BABAM2: variants seen among roughly 807,000 people sequenced by gnomAD.
The protein encoded by BABAM2 is BRISC and BRCA1-A complex member 2.
A neutral mutation model predicts 54.7 loss-of-function variants in BABAM2; 31 were observed. The observed-to-expected ratio is 0.57, with a 90% CI of 0.43 to 0.77. The LOEUF (loss-of-function observed/expected upper bound fraction) is 0.77, where lower values mean the gene tolerates loss of function less well. Ranked by LOEUF, BABAM2 falls within the 30% of genes least tolerant of loss-of-function variation. The pLI is 0.00. For missense variants in BABAM2, 364 were observed against 455.8 expected (o/e 0.80, Z 1.83); for synonymous variants, 167 against 162.9 (o/e 1.03, Z -0.19).
At chr2:28,206,610 G>C (rs1247382916) in intron 7 of BABAM2, among the ~76,000 whole-genome samples, 1 of 152,188 alleles carries the variant, frequency 6.6e-6, no homozygotes, top group Non-Finnish European at 1.5e-5. Context: ...TTCTGGCCAA[G>C]TCTTGTGTCT....
chr2:27,976,676 G>C (rs1671630432), intron 3 of BABAM2, among the ~76,000 whole-genome samples: 1 of 152,042 alleles, frequency 6.6e-6, no homozygotes, highest in Non-Finnish European at 1.5e-5. Context: ...AACTCTTATA[G>C]GTGTACAGAA....
intron 4 of BABAM2, among the ~76,000 whole-genome samples, chr2:28,018,549 G>T (rs1335495660): frequency 2.6e-5 from 4 of 152,124 alleles, no homozygotes; most frequent in African/African-American, 9.7e-5. Flanking sequence ...TCAAAAGGTA[G>T]ATCTACTTTC....
At chr2:28,071,304 T>C (rs960841880) in intron 6 of BABAM2, among the ~76,000 whole-genome samples, 5 of 152,216 alleles carry the variant, frequency 3.3e-5, no homozygotes, top group African/African-American at 1.2e-4. Flanking sequence ...TTTGTTATTA[T>C]TGTTGTTGAA....
At chr2:27,901,042 CAAAA>C (rs553293287) in intron 2 of BABAM2, among the ~76,000 whole-genome samples, 1 of 83,586 alleles carries the variant, frequency 1.2e-5, no homozygotes, top group Non-Finnish European at 2.4e-5. Flanking sequence ...GACTCTGTCT[CAAAA>C]AAAAAAAAAA....
chr2:27,974,442 A>G lies in BABAM2; in HGVS notation c.206-13551A>G, dbSNP rs1671448812. On this transcript the variant is annotated intron_variant, in intron 3 of 11. Transcript: ENST00000379624. ...GGTTTTATTCTGGGAATGAAAGCCAAGTTCAACATTTGAAAATCAGTCTAT... is the reference window on the plus strand; with the variant it reads ...GGTTTTATTCTGGGAATGAAAGCCAGGTTCAACATTTGAAAATCAGTCTAT... Among the ~76,000 whole-genome samples, 7 of 152,188 alleles carry G rather than the reference A, an allele frequency of 4.6e-5. No individual in the cohort carries two copies. In the South Asian group the frequency reaches 1.4e-3, roughly 31 times the overall value.
chr2:28,257,148 A>G (rs970749294), intron 10 of BABAM2, among the ~76,000 whole-genome samples: 2 of 152,200 alleles, frequency 1.3e-5, no homozygotes, highest in African/African-American at 4.8e-5. Context: ...ATACTCAGCA[A>G]CTGCACAGAT....
chr2:27,907,658 C>G (rs1050492435), intron 2 of BABAM2, among the ~76,000 whole-genome samples: 3 of 152,172 alleles, frequency 2.0e-5, no homozygotes, highest in African/African-American at 7.2e-5. Flanking sequence ...CTGAAACTCT[C>G]TACCATTAAA....
chr2:28,234,575 A>G (rs1293035448), intron 7 of BABAM2, among the ~76,000 whole-genome samples: 1 of 152,218 alleles, frequency 6.6e-6, no homozygotes, highest in Non-Finnish European at 1.5e-5. Flanking sequence ...TGTCAACTCC[A>G]GGGAAGCATC....
In BABAM2 at chr2:28,320,710, T is replaced by C. The variant is rs369614028; in HGVS notation, c.1089-17740T>C. Among the ~76,000 whole-genome samples the C allele has an allele frequency of 2.0e-5, 3 of 152,308 alleles. No homozygotes were observed. In the East Asian group the frequency reaches 5.8e-4, roughly 29 times the overall value. On this transcript the variant is annotated intron_variant, in intron 11 of 11. Transcript: ENST00000379624. The stretch of plus-strand genomic sequence containing the variant: ...GAGCCTTGCCCTTCCTGCTCAGCCT[T>C]AGCCCTCAGTGGCTGCAGAAGGCAG...
intron 4 of BABAM2, among the ~76,000 whole-genome samples, chr2:28,014,704 C>T: frequency 6.9e-6 from 1 of 144,508 alleles, no homozygotes; most frequent in Non-Finnish European, 1.5e-5. Flanking sequence ...CTGCATTTTA[C>T]ATGCTAAATA....
intron 7 of BABAM2, among the ~76,000 whole-genome samples, chr2:28,149,900 A>G (rs1182350635): frequency 6.6e-6 from 1 of 152,192 alleles, no homozygotes; most frequent in Non-Finnish European, 1.5e-5. Flanking sequence ...CATATTTTAT[A>G]CATTGAATTA....
intron 5 of BABAM2, among the ~76,000 whole-genome samples, chr2:28,037,131 A>G (rs1676723986): frequency 6.6e-6 from 1 of 152,208 alleles, no homozygotes; most frequent in South Asian, 2.1e-4. Context: ...AAGTCTATGT[A>G]AAGTAATATA....
intron 10 of BABAM2, among the ~76,000 whole-genome samples, chr2:28,257,369 C>T (rs1427940788): frequency 5.3e-5 from 8 of 152,328 alleles, no homozygotes; most frequent in Admixed American, 2.0e-4. Context: ...CCCTGACTTC[C>T]AGCCCCAGGT....
At chr2:28,005,741 C>G (rs1473162369) in intron 4 of BABAM2, among the ~76,000 whole-genome samples, 1 of 151,996 alleles carries the variant, frequency 6.6e-6, no homozygotes, top group Non-Finnish European at 1.5e-5. Flanking sequence ...ATTTGAAAAA[C>G]TTTCTATTTT....
At chr2:28,336,297 G>A (rs557479503) in intron 11 of BABAM2, among the ~76,000 whole-genome samples, 22 of 152,202 alleles carry the variant, frequency 1.4e-4, no homozygotes, top group Admixed American at 2.0e-4. Flanking sequence ...AAACTGGTTC[G>A]GAAGGAAACT....
intron 6 of BABAM2, among the ~76,000 whole-genome samples, chr2:28,077,867 A>T (rs2048045): frequency 7.4e-4 from 112 of 152,286 alleles, no homozygotes; most frequent in African/African-American, 2.5e-3. Context: ...TATATCAAGA[A>T]AATTAAATAC....
intron 7 of BABAM2, among the ~76,000 whole-genome samples, chr2:28,146,488 A>G (rs1030825402): frequency 2.0e-5 from 3 of 152,254 alleles, no homozygotes; most frequent in Non-Finnish European, 2.9e-5. Flanking sequence ...CAGGATTCAT[A>G]TCCAAAATAA....
rs1362281062 is a variant in BABAM2 at position 28,338,435 on chromosome 2, C to G, written c.1089-15C>G. On this transcript the variant is annotated splice_polypyrimidine_tract_variant and intron_variant, in intron 11 of 11. Coordinates refer to ENST00000379624, the MANE Select transcript of BABAM2 (RefSeq NM_199191.3). The stretch of plus-strand genomic sequence containing the variant: ...TGCTAACCACAATTTTTTTTCTCCC[C>G]TTCTTTCCCACCAGGGCTTATTTCA... The G allele has an allele frequency of 5.6e-6, 9 of 1,611,894 alleles. No homozygotes were observed. Among genetic ancestry groups the G allele is most frequent in the Non-Finnish European group, 7.6e-6 (9 of 1,178,850 alleles).
At chr2:27,966,568 G>T (rs1399471648) in intron 3 of BABAM2, among the ~76,000 whole-genome samples, 1 of 152,200 alleles carries the variant, frequency 6.6e-6, no homozygotes, top group African/African-American at 2.4e-5. Context: ...TTTCTGGCAT[G>T]ACCAGATGTT....
Sources: allele counts gnomAD v4.1 joint callset (sites outside exome capture counted in the v4.1 genomes callset), GRCh38; gene constraint gnomAD v4.1.1; transcripts MANE v1.5; gene names NCBI Gene and HGNC (gene_info 2026-07-23, HGNC 2026-07-21).